MLLT3: variants seen among roughly 807,000 people sequenced by gnomAD.
MLLT3 encodes protein AF-9.
MLLT3 carries 4 observed loss-of-function variants against 53.2 expected under a neutral mutation model. That is an observed-to-expected ratio of 0.08 (90% CI 0.04 to 0.17). MLLT3 has a LOEUF of 0.17. MLLT3 is among the 10% of genes least tolerant of loss of function. The probability of loss-of-function intolerance (pLI) is 1.00; values close to 1 mark genes in which losing one functional copy is unlikely to be tolerated. For missense variants in MLLT3, 569 were observed against 684.0 expected (o/e 0.83, Z 1.87); for synonymous variants, 283 against 230.6 (o/e 1.23, Z -2.06).
intron 2 of MLLT3, among the ~76,000 whole-genome samples, chr9:20,515,049 C>A (rs1011396925): frequency 4.7e-5 from 7 of 148,120 alleles, no homozygotes; most frequent in African/African-American, 1.7e-4. Flanking sequence ...CGGGTTCAGG[C>A]GATTCTCCTG....
intron 4 of MLLT3, among the ~76,000 whole-genome samples, chr9:20,426,794 A>G (rs1823149695): frequency 6.6e-6 from 1 of 152,182 alleles, no homozygotes; most frequent in African/African-American, 2.4e-5. Flanking sequence ...AAATAAAGAA[A>G]AAGTTCAAGA....
chr9:20,542,790 T>A (rs1332293014), intron 2 of MLLT3, among the ~76,000 whole-genome samples: 2 of 152,196 alleles, frequency 1.3e-5, no homozygotes, highest in Non-Finnish European at 2.9e-5. Flanking sequence ...AGGCATTGAC[T>A]CCTCATCCTG....
At chr9:20,473,883 T>C (rs1315491017) in intron 2 of MLLT3, among the ~76,000 whole-genome samples, 1 of 152,170 alleles carries the variant, frequency 6.6e-6, no homozygotes, top group Non-Finnish European at 1.5e-5. Context: ...ATTACTACTG[T>C]ACTTTCTAGT....
intron 2 of MLLT3, among the ~76,000 whole-genome samples, chr9:20,481,669 C>T (rs978074902): frequency 1.3e-5 from 2 of 152,122 alleles, no homozygotes; most frequent in African/African-American, 4.8e-5. Flanking sequence ...TGCTCCGTTC[C>T]GCCTACCATG....
intron 2 of MLLT3, among the ~76,000 whole-genome samples, chr9:20,580,512 C>G (rs2131173739): frequency 6.6e-6 from 1 of 152,256 alleles, no homozygotes; most frequent in Non-Finnish European, 1.5e-5. Context: ...TTCTTAGACT[C>G]TCTTGGACAG....
intron 4 of MLLT3, among the ~76,000 whole-genome samples, chr9:20,414,851 CA>C (rs1174653704): frequency 6.6e-6 from 1 of 152,002 alleles, no homozygotes; most frequent in Non-Finnish European, 1.5e-5. Context: ...AAGAATAATT[CA>C]AAAATTCATA....
intron 2 of MLLT3, among the ~76,000 whole-genome samples, chr9:20,587,971 T>G (rs1387463871): frequency 6.6e-6 from 1 of 150,484 alleles, no homozygotes; most frequent in African/African-American, 2.4e-5. Flanking sequence ...TTTTATGGTT[T>G]TAGGTCTAAC....
chr9:20,567,521 T>C (rs1426466346), intron 2 of MLLT3, among the ~76,000 whole-genome samples: 1 of 152,144 alleles, frequency 6.6e-6, no homozygotes, highest in African/African-American at 2.4e-5. Context: ...AATCTTCAGA[T>C]TTGAACATTG....
intron 6 of MLLT3, among the ~76,000 whole-genome samples, 156 bp downstream of exon 6, chr9:20,365,513 A>G (rs1259260257): frequency 6.6e-6 from 1 of 152,108 alleles, no homozygotes; most frequent in Non-Finnish European, 1.5e-5. Context: ...AATTTTTTGT[A>G]TTTTTAGTAG....
At chr9:20,586,076 G>T (rs937588593) in intron 2 of MLLT3, among the ~76,000 whole-genome samples, 1 of 152,074 alleles carries the variant, frequency 6.6e-6, no homozygotes, top group Admixed American at 6.6e-5. Context: ...CTAGCACTTC[G>T]GGAAGCCAAG....
rs1012396953 is a variant in MLLT3 at position 20,345,843 on chromosome 9, G to C, written c.*600C>G. ...GTGTCCTGGAACTGGAAAAACAAAA[G>C]GTGGAAAATACAGACTGCAACGAGT... is the stretch of plus-strand genomic sequence containing the variant. On this transcript the variant is annotated 3_prime_UTR_variant, in exon 11 of 11. Coordinates refer to ENST00000380338, the MANE Select transcript of MLLT3 (RefSeq NM_004529.4). The C allele has an allele frequency of 4.9e-5, 11 of 225,800 alleles. No individual in the cohort carries two copies. Among genetic ancestry groups the C allele is most frequent in the African/African-American group, 2.0e-4 (9 of 44,850 alleles). 14.0% of individuals were successfully genotyped at this position (225,800 alleles called of 1,614,324 possible).
intron 2 of MLLT3, among the ~76,000 whole-genome samples, chr9:20,495,158 T>G (rs1358631952): frequency 2.6e-5 from 4 of 152,172 alleles, no homozygotes; most frequent in African/African-American, 9.6e-5. Flanking sequence ...TTTTTCTCTC[T>G]GTCCATCATA....
chr9:20,619,450 C>A (rs1048649481), intron 2 of MLLT3, among the ~76,000 whole-genome samples: 1 of 152,222 alleles, frequency 6.6e-6, no homozygotes, highest in African/African-American at 2.4e-5. Context: ...CTTCTCCTTT[C>A]TTTATTCAGC....
At chr9:20,590,871 G>GA (rs1364876839) in intron 2 of MLLT3, among the ~76,000 whole-genome samples, 1 of 151,996 alleles carries the variant, frequency 6.6e-6, no homozygotes, top group East Asian at 1.9e-4. Flanking sequence ...GAGTAGTTGG[G>GA]ATGGATGATG....
chr9:20,594,109 T>G (rs1391977131), intron 2 of MLLT3, among the ~76,000 whole-genome samples: 1 of 151,896 alleles, frequency 6.6e-6, no homozygotes, highest in African/African-American at 2.4e-5. Context: ...CCTGGCTAAT[T>G]TTTTGTATTT....
Position 20,621,979 on chromosome 9 carries a change from G to C in MLLT3, c.12+266C>G. ...AGTGCGCTTCTTGTGACTGCAAAGA[G>C]GCGAGGAGGGAGGGAGGCGCGGGGG... On this transcript the variant is annotated intron_variant, in intron 1 of 10. Transcript: ENST00000380338. This position sits in a 1 kb window ranked among gnomAD's most constrained non-coding sequence, Gnocchi z 7.0. 4 of 1,402,468 alleles carry C rather than the reference G, an allele frequency of 2.9e-6. No individual in the cohort carries two copies. The highest frequency in any genetic ancestry group is 3.7e-6 in the Non-Finnish European group (4 of 1,085,124). The allele number at this position is 1,402,468 out of a possible 1,614,324, so 86.9% of individuals were successfully genotyped here.
Position 20,622,364 on chromosome 9 carries a change from G to A in MLLT3, c.-108C>T. On this transcript the variant is annotated 5_prime_UTR_variant, in exon 1 of 11. Coordinates refer to ENST00000380338, the MANE Select transcript of MLLT3 (RefSeq NM_004529.4). ...GCTGCTATGAATGAGAGCGCGCCCA[G>A]GAGCGGAGGGTAGATGGCGGACATT... 9.6e-7 allele frequency: 1 copy of A among 1,036,292 alleles called. No homozygotes were observed. The highest frequency in any genetic ancestry group is 1.4e-6 in the Non-Finnish European group (1 of 730,060). The allele number at this position is 1,036,292 out of a possible 1,614,324, so 64.2% of individuals were successfully genotyped here.
intron 2 of MLLT3, among the ~76,000 whole-genome samples, chr9:20,478,766 G>A (rs1824588928): frequency 6.6e-6 from 1 of 152,128 alleles, no homozygotes; most frequent in African/African-American, 2.4e-5. Flanking sequence ...TAACAAGGGA[G>A]TTCTACTTCA....
At chr9:20,529,417 C>T (rs1818275127) in intron 2 of MLLT3, among the ~76,000 whole-genome samples, 1 of 152,166 alleles carries the variant, frequency 6.6e-6, no homozygotes, top group African/African-American at 2.4e-5. Flanking sequence ...GTTCTAAAAA[C>T]TGATGCATGA....
Sources: gnomAD v4.1 joint callset for allele counts (sites outside exome capture counted in the v4.1 genomes callset) on GRCh38, gnomAD v4.1.1 for gene constraint, Gnocchi (gnomAD v3.1) non-coding constraint, MANE v1.5 for transcripts, NCBI Gene and HGNC (gene_info 2026-07-23, HGNC 2026-07-21) for gene names.